The following HSD17B12 variants were observed in gnomAD, a reference collection of about 807,000 sequenced individuals.
HSD17B12 encodes very-long-chain 3-oxoacyl-CoA reductase.
HSD17B12 carries 32 observed loss-of-function variants against 39.3 expected under a neutral mutation model. The observed-to-expected ratio is 0.81, with a 90% CI of 0.61 to 1.09. The LOEUF is 1.09. Ranked by LOEUF, HSD17B12 falls within the 50% of genes least tolerant of loss-of-function variation. The pLI is 0.00. For missense variants in HSD17B12, 342 were observed against 382.9 expected (o/e 0.89, Z 0.89); for synonymous variants, 150 against 146.7 (o/e 1.02, Z -0.16).
chr11:43,730,264 T>C (rs1156313747), intron 1 of HSD17B12, among the ~76,000 whole-genome samples: 1 of 152,210 alleles, frequency 6.6e-6, no homozygotes, highest in Non-Finnish European at 1.5e-5. Flanking sequence ...TCCACCACTA[T>C]TGTATGTAGA....
At chr11:43,594,175 C>CT in the HSD17B12 span, among the ~76,000 whole-genome samples, 1 of 152,038 alleles carries the variant, frequency 6.6e-6, no homozygotes, top group African/African-American at 2.4e-5. Context: ...ATCTTAATTA[C>CT]TCCATAGTTA....
At chr11:43,759,339 G>T (rs1426919588) in intron 3 of HSD17B12, among the ~76,000 whole-genome samples, 4 of 152,136 alleles carry the variant, frequency 2.6e-5, no homozygotes, top group Non-Finnish European at 1.5e-5. Context: ...ATTATATGTA[G>T]TTAGTAGGAC....
intron 1 of HSD17B12, among the ~76,000 whole-genome samples, chr11:43,721,546 G>A (rs956685202): frequency 6.6e-6 from 1 of 152,122 alleles, no homozygotes; most frequent in East Asian, 1.9e-4. Flanking sequence ...TTGAACCTGG[G>A]AGGCAGAGGT....
intron 6 of HSD17B12, among the ~76,000 whole-genome samples, chr11:43,829,072 T>C (rs1190784341): frequency 6.6e-6 from 1 of 152,164 alleles, no homozygotes; most frequent in Non-Finnish European, 1.5e-5. Flanking sequence ...ATTGTTATTA[T>C]TTGACAGATT....
At chr11:43,794,163 T>C (rs1418789468) in intron 3 of HSD17B12, among the ~76,000 whole-genome samples, 5 of 152,210 alleles carry the variant, frequency 3.3e-5, no homozygotes, top group East Asian at 1.9e-4. Flanking sequence ...CATGACTATA[T>C]GTAACCACAA....
the HSD17B12 span, among the ~76,000 whole-genome samples, chr11:43,571,490 C>T: frequency 6.6e-6 from 1 of 152,196 alleles, no homozygotes; most frequent in Non-Finnish European, 1.5e-5. Context: ...TTCTCATTCT[C>T]TCCAATGTGC....
the HSD17B12 span, among the ~76,000 whole-genome samples, chr11:43,637,217 CTTTTTTT>C: frequency 4.6e-5 from 5 of 109,474 alleles, no homozygotes; most frequent in Admixed American, 2.4e-4. Flanking sequence ...GGTGTTTTTC[CTTTTTTT>C]TTTTTTTTTT....
intron 3 of HSD17B12, among the ~76,000 whole-genome samples, chr11:43,788,012 A>T (rs1467816399): frequency 6.6e-6 from 1 of 152,230 alleles, no homozygotes; most frequent in Non-Finnish European, 1.5e-5. Context: ...TTTTTAAAAA[A>T]ATTAGCTCAA....
At chr11:43,809,047 T>C (rs1051072489) in intron 4 of HSD17B12, among the ~76,000 whole-genome samples, 2 of 152,268 alleles carry the variant, frequency 1.3e-5, no homozygotes, top group African/African-American at 4.8e-5. Flanking sequence ...GCAGCTCTGG[T>C]TAATGGATGT....
the HSD17B12 span, among the ~76,000 whole-genome samples, chr11:43,617,991 G>T: frequency 3.9e-5 from 6 of 152,256 alleles, no homozygotes; most frequent in Non-Finnish European, 7.4e-5. Flanking sequence ...AACAAAATAG[G>T]TGGTGTTTGT....
At chr11:43,652,668 C>CA in the HSD17B12 span, among the ~76,000 whole-genome samples, 1,979 of 148,746 alleles carry the variant, frequency 0.013, 9 homozygotes, top group East Asian at 0.017. Flanking sequence ...AAGGATATTA[C>CA]AAAAAAAAAA....
intron 2 of HSD17B12, 77 bp from the exon 3 acceptor site, chr11:43,753,969 T>C (rs1950487659): frequency 1.2e-6 from 1 of 861,642 alleles, no homozygotes; most frequent in Non-Finnish European, 1.8e-6. Context: ...CAGGTTTTCT[T>C]AAAATGGGGG....
upstream of HSD17B12, among the ~76,000 whole-genome samples, chr11:43,678,438 T>C (rs908438669): frequency 2.0e-5 from 3 of 152,328 alleles, no homozygotes; most frequent in Admixed American, 6.5e-5. Context: ...TTTAGTTTAA[T>C]TAGATCCCAT....
At chr11:43,727,695 T>C (rs1257456077) in intron 1 of HSD17B12, among the ~76,000 whole-genome samples, 2 of 152,290 alleles carry the variant, frequency 1.3e-5, no homozygotes, top group African/African-American at 4.8e-5. Flanking sequence ...TTACAACTCC[T>C]TCTCCAAGTA....
At chr11:43,580,508 G>A in the HSD17B12 span, among the ~76,000 whole-genome samples, 861 of 152,188 alleles carry the variant, frequency 5.7e-3, 4 homozygotes, top group Middle Eastern at 0.01. Context: ...CAGAACTTTG[G>A]GTGGGAAAGG....
chr11:43,721,641 G>A (rs1250886376), intron 1 of HSD17B12, among the ~76,000 whole-genome samples: 6 of 152,028 alleles, frequency 3.9e-5, no homozygotes, highest in Non-Finnish European at 8.8e-5. Flanking sequence ...GAATGTTCCA[G>A]GCAGAGGAAA....
intron 3 of HSD17B12, among the ~76,000 whole-genome samples, chr11:43,792,830 A>G (rs1950880542): frequency 6.6e-6 from 1 of 151,624 alleles, no homozygotes. Flanking sequence ...ACTCTAGCTT[A>G]TATTTTAATA....
chr11:43,805,446 G>T (rs575017643), intron 4 of HSD17B12, among the ~76,000 whole-genome samples: 12 of 152,280 alleles, frequency 7.9e-5, no homozygotes, highest in African/African-American at 2.9e-4. Flanking sequence ...TCAGTGGGGT[G>T]CAGAGATGGA....
At chr11:43,666,013 G>A in the HSD17B12 span, among the ~76,000 whole-genome samples, 1 of 152,194 alleles carries the variant, frequency 6.6e-6, no homozygotes, top group Non-Finnish European at 1.5e-5. Flanking sequence ...GTTAACCACA[G>A]ACTCAGGTGC....
Sources: allele counts gnomAD v4.1 joint callset (sites outside exome capture counted in the v4.1 genomes callset), GRCh38; gene constraint gnomAD v4.1.1; transcripts MANE v1.5; gene names NCBI Gene and HGNC (gene_info 2026-07-23, HGNC 2026-07-21).